SEC31A: variants seen among roughly 807,000 people sequenced by gnomAD.
The protein encoded by SEC31A is SEC31 homolog A, COPII component, also known as protein transport protein Sec31A.
Under a neutral mutation model 151.0 loss-of-function variants are expected in SEC31A, and 70 were observed. That is an observed-to-expected ratio of 0.46 (90% CI 0.38 to 0.57). The LOEUF (loss-of-function observed/expected upper bound fraction) is 0.57, where lower values mean the gene tolerates loss of function less well. SEC31A is among the 20% of genes least tolerant of loss of function. The probability of loss-of-function intolerance (pLI) is 0.00; values close to 1 mark genes in which losing one functional copy is unlikely to be tolerated. For missense variants in SEC31A, 1,330 were observed against 1,471.2 expected (o/e 0.90, Z 1.57); for synonymous variants, 475 against 505.9 (o/e 0.94, Z 0.82).
In SEC31A at chr4:82,848,925, A is replaced by G. The variant is rs1224556619; in HGVS notation, c.2381T>C (p.Val794Ala). 1 of 1,614,046 alleles carries G rather than the reference A, an allele frequency of 6.2e-7. No individual in the cohort carries two copies. The highest frequency in any genetic ancestry group is 1.3e-5 in the African/African-American group (1 of 74,922). The change falls in exon 20 of 27, where the codon GTA becomes GCA. Residue 794 changes from valine (V) to alanine (A), a missense_variant. By Grantham distance (64) the Val-to-Ala change is moderately conservative. Transcript: ENST00000395310. ...AATTTTAGGTGATTCATGTCCTGCTACAGGCTCTCCTTGTGCTCTACAAAG... is the reference window on the plus strand; with the variant it reads ...AATTTTAGGTGATTCATGTCCTGCTGCAGGCTCTCCTTGTGCTCTACAAAG... ...DRLCRAQGEP[V>A]AGHESPKIPY...
chr4:82,851,303 G>A, intron 19 of SEC31A, 128 bp downstream of exon 19: 1 of 659,636 alleles, frequency 1.5e-6, no homozygotes, highest in Non-Finnish European at 2.6e-6. Context: ...ACATTTACCT[G>A]CAGTCAGGTT....
In SEC31A at chr4:82,851,472, T is replaced by C; in HGVS notation, c.2287A>G (p.Ile763Val). Residue 763 changes from isoleucine to valine, a missense_variant, in exon 19 of 27, where the codon ATT becomes GTT. Ile to Val is a conservative substitution (Grantham distance 29). Transcript: ENST00000395310. ...GGAAGAAAAGCCAAGGCTGCAGCAA[T>C]ACTGCCCTGAGCTGCCAACAAATTG... ...YANLLAAQGS[I>V]AAALAFLPDN... 1 of 1,613,986 alleles carries C rather than the reference T, an allele frequency of 6.2e-7. No homozygotes were observed. The highest frequency in any genetic ancestry group is 8.5e-7 in the Non-Finnish European group (1 of 1,179,924).
Position 82,840,256 on chromosome 4 carries a change from T to C in SEC31A, c.2968+1884A>G, listed in dbSNP as rs148843592. Among the ~76,000 whole-genome samples the C allele has an allele frequency of 3.3e-5, 5 of 152,290 alleles. No individual in the cohort carries two copies. In the East Asian group the frequency reaches 9.6e-4, roughly 29 times the overall value. On this transcript the variant is annotated intron_variant, in intron 22 of 26. Transcript: ENST00000395310. ...CCAATATGAGCTCAATAAATGTTAA[T>C]TCCCTTCCCTACTTCCCTGCACCAC...
intron 14 of SEC31A, among the ~76,000 whole-genome samples, chr4:82,858,501 G>A (rs1165823854): frequency 3.2e-5 from 4 of 124,026 alleles, no homozygotes; most frequent in Non-Finnish European, 6.4e-5. Context: ...TTGAGATTGC[G>A]CCACTGCACT....
chr4:82,871,946 G>A lies in SEC31A; in HGVS notation c.780C>T (p.Ala260=). The A allele has an allele frequency of 6.2e-7, 1 of 1,614,096 alleles. No individual in the cohort carries two copies. The highest frequency in any genetic ancestry group is 1.1e-5 in the South Asian group (1 of 91,082). ...SSPLRVLENH[A]RGILAIAWSM... ...TCTTTGTAACAGCAGCACGATACCT[G>A]GCATGGTTTTCCAGGACACGAAGTG... Residue 260 remains alanine (A), a splice_region_variant and synonymous_variant, in exon 7 of 27, where the codon GCC becomes GCT. Coordinates refer to ENST00000395310, the MANE Select transcript of SEC31A (RefSeq NM_001077207.4).
chr4:82,863,084 G>A, intron 12 of SEC31A: 1 of 425,300 alleles, frequency 2.4e-6, no homozygotes, highest in Non-Finnish European at 4.1e-6. Context: ...TCCAAAGAAT[G>A]ATGAAAGGCT....
intron 18 of SEC31A, 75 bp from the exon 19 acceptor site, chr4:82,851,679 T>C (rs1269394131): frequency 8.5e-6 from 11 of 1,296,530 alleles, no homozygotes; most frequent in Non-Finnish European, 1.2e-5. Flanking sequence ...GATCAAGAGT[T>C]ACTAAGATTT....
chr4:82,894,325 T>C (rs1719969464), upstream of SEC31A: 1 of 152,220 alleles, frequency 6.6e-6, no homozygotes, highest in Non-Finnish European at 1.5e-5. Flanking sequence ...TCATCTCCTG[T>C]TACAATTTTT....
upstream of SEC31A, chr4:82,891,170 C>T: frequency 6.5e-7 from 1 of 1,535,468 alleles, no homozygotes; most frequent in Non-Finnish European, 8.7e-7. Context: ...GCCCCTCCTC[C>T]CCGGCCAGGG....
Position 82,842,064 on chromosome 4 carries a change from A to G in SEC31A, c.2968+76T>C, listed in dbSNP as rs1033068380. On this transcript the variant is annotated intron_variant, in intron 22 of 26. Coordinates refer to ENST00000395310, the MANE Select transcript of SEC31A (RefSeq NM_001077207.4). ...ACCCAGTTTACAAACAGTTAGAAAT[A>G]ATACCCCTCCATCCACCCATCTGTT... 2.5e-6 allele frequency: 3 copies of G among 1,210,734 alleles called. No homozygotes were observed. In the African/African-American group the frequency reaches 4.6e-5, roughly 18 times the overall value. 75.0% of individuals were successfully genotyped at this position (1,210,734 alleles called of 1,614,324 possible).
chr4:82,878,616 G>C (rs1370228104), intron 4 of SEC31A, 114 bp downstream of exon 4: 2 of 809,382 alleles, frequency 2.5e-6, no homozygotes, highest in Non-Finnish European at 4.0e-6. Context: ...TCGTCAACCT[G>C]TATAGCCACA....
intron 14 of SEC31A, among the ~76,000 whole-genome samples, chr4:82,858,708 A>T (rs968779911): frequency 6.0e-5 from 9 of 150,442 alleles, no homozygotes; most frequent in South Asian, 2.1e-4. Context: ...TTATTTATTT[A>T]ATTTTATTTT....
intron 14 of SEC31A, among the ~76,000 whole-genome samples, chr4:82,858,855 A>C (rs1225527571): frequency 6.6e-6 from 1 of 151,620 alleles, no homozygotes; most frequent in Non-Finnish European, 1.5e-5. Context: ...GGTGCCCACC[A>C]CCATGCCTGG....
In SEC31A at chr4:82,848,959, G is replaced by A. The variant is rs747042104; in HGVS notation, c.2347C>T (p.Arg783Cys). Residue 783 changes from arginine to cysteine, a missense_variant, in exon 20 of 27, where the codon CGT (arginine) becomes TGT (cysteine). Arg to Cys is a radical substitution (Grantham distance 180, BLOSUM62 -3). Coordinates refer to ENST00000395310, the MANE Select transcript of SEC31A (RefSeq NM_001077207.4). ...NTNQPNIMQL[R>C]DRLCRAQGEP... ...CCTTGTGCTCTACAAAGTCTGTCAC[G>A]AAGCTGCATGATATTTGGCTAAAAA... is the stretch of plus-strand genomic sequence containing the variant. 1.2e-5 allele frequency: 19 copies of A among 1,613,190 alleles called. No homozygotes were observed. Among genetic ancestry groups the A allele is most frequent in the Admixed American group, 1.7e-5 (1 of 59,810 alleles).
intron 18 of SEC31A, among the ~76,000 whole-genome samples, chr4:82,852,488 C>T (rs1731669848): frequency 6.6e-6 from 1 of 152,126 alleles, no homozygotes; most frequent in South Asian, 2.1e-4. Flanking sequence ...AGAAGGATAG[C>T]CTACCTTTCT....
intron 22 of SEC31A, 72 bp from the exon 23 acceptor site, chr4:82,829,130 C>T: frequency 8.0e-7 from 1 of 1,254,460 alleles, no homozygotes; most frequent in East Asian, 2.3e-5. Context: ...AATCGATCAC[C>T]TAATACTTCA....
chr4:82,898,772 T>C (rs899464488), intron 3 of SEC31A, among the ~76,000 whole-genome samples: 1 of 152,242 alleles, frequency 6.6e-6, no homozygotes. Flanking sequence ...CATCCACTGC[T>C]GGTGGGAATG....
At chr4:82,853,380 T>A (rs775756661) in intron 18 of SEC31A, among the ~76,000 whole-genome samples, 190 bp downstream of exon 18, 11 of 152,216 alleles carry the variant, frequency 7.2e-5, no homozygotes, top group Non-Finnish European at 1.3e-4. Flanking sequence ...TTACAACAGC[T>A]GCAACCCCAT....
rs1731912211 is a variant in SEC31A at position 82,853,605 on chromosome 4, T to C, written c.2119A>G (p.Lys707Glu). The stretch of plus-strand genomic sequence containing the variant: ...AAAGGGTGGCTTCCATCTTGAGCTT[T>C]AGTCCAACATGCAACTAATTTCTCT... ...NVEKLVACWT[K>E]AQDGSHPLSL... The change falls in exon 18 of 27, where the codon AAA (lysine) becomes GAA (glutamate). Residue 707 changes from lysine (K) to glutamate (E), a missense_variant. Physicochemically the swap from Lys to Glu is moderately conservative, Grantham distance 56. Transcript: ENST00000395310. The C allele has an allele frequency of 6.3e-7, 1 of 1,593,346 alleles. No individual in the cohort carries two copies. Among genetic ancestry groups the C allele is most frequent in the Non-Finnish European group, 8.5e-7 (1 of 1,174,646 alleles).
Sources: allele counts gnomAD v4.1 joint callset (sites outside exome capture counted in the v4.1 genomes callset), GRCh38; gene constraint gnomAD v4.1.1; transcripts MANE v1.5; gene names NCBI Gene and HGNC (gene_info 2026-07-23, HGNC 2026-07-21).